DCLK1: variants seen among roughly 807,000 people sequenced by gnomAD.
The protein encoded by DCLK1 is serine/threonine-protein kinase DCLK1.
DCLK1 carries 16 observed loss-of-function variants against 86.2 expected under a neutral mutation model. That is an observed-to-expected ratio of 0.19 (90% CI 0.13 to 0.28). The LOEUF is 0.28. Ranked by LOEUF, DCLK1 falls within the 10% of genes least tolerant of loss-of-function variation. The probability of loss-of-function intolerance (pLI) is 1.00; values close to 1 mark genes in which losing one functional copy is unlikely to be tolerated. For missense variants in DCLK1, 590 were observed against 940.2 expected, an observed-to-expected ratio of 0.63 and a Z score of 4.87; for synonymous variants, 369 against 370.5, an observed-to-expected ratio of 1.00 and a Z score of 0.05.
chr13:36,062,170 T>C (rs953598200), intron 3 of DCLK1, among the ~76,000 whole-genome samples: 14 of 152,220 alleles, frequency 9.2e-5, no homozygotes, highest in Admixed American at 5.9e-4. Context: ...TTAATTTATA[T>C]AGTGGCTTTG....
intron 3 of DCLK1, among the ~76,000 whole-genome samples, chr13:35,990,891 G>A (rs934297689): frequency 3.9e-5 from 6 of 152,092 alleles, no homozygotes; most frequent in Non-Finnish European, 8.8e-5. Context: ...AGTAGGACTG[G>A]AGAATACAAA....
At chr13:35,841,013 T>C (rs1424773797) in intron 6 of DCLK1, among the ~76,000 whole-genome samples, 16 of 152,208 alleles carry the variant, frequency 1.1e-4, no homozygotes, top group Non-Finnish European at 7.3e-5. Context: ...GCAGACATAA[T>C]GGTGTTCCAA....
At chr13:35,891,051 T>G (rs1279309258) in intron 4 of DCLK1, among the ~76,000 whole-genome samples, 1 of 152,118 alleles carries the variant, frequency 6.6e-6, no homozygotes, top group Non-Finnish European at 1.5e-5. Context: ...GGCCAATCTG[T>G]TCTTTTATAT....
intron 13 of DCLK1, 126 bp from the exon 14 acceptor site, chr13:35,808,446 T>A: frequency 1.2e-6 from 1 of 850,612 alleles, no homozygotes; most frequent in Non-Finnish European, 1.9e-6. Flanking sequence ...GTATTTTTAA[T>A]CGATTGAAAA....
intron 3 of DCLK1, among the ~76,000 whole-genome samples, chr13:36,040,813 T>C (rs1882677813): frequency 6.6e-6 from 1 of 152,196 alleles, no homozygotes; most frequent in South Asian, 2.1e-4. Flanking sequence ...CTTTATACTT[T>C]GGGTTATAAT....
intron 3 of DCLK1, among the ~76,000 whole-genome samples, chr13:36,047,211 C>A (rs1882947141): frequency 6.6e-6 from 1 of 152,128 alleles, no homozygotes; most frequent in Non-Finnish European, 1.5e-5. Flanking sequence ...GAAAAGGGAA[C>A]CCCTTGTACA....
chr13:35,889,703 T>C (rs1873519532), intron 4 of DCLK1, among the ~76,000 whole-genome samples: 1 of 152,178 alleles, frequency 6.6e-6, no homozygotes, highest in South Asian at 2.1e-4. Context: ...TTTGGGTCTC[T>C]GAGTCACCGC....
chr13:35,843,601 T>A (rs556690934), intron 6 of DCLK1, among the ~76,000 whole-genome samples: 160 of 152,324 alleles, frequency 1.1e-3, no homozygotes, highest in Non-Finnish European at 1.6e-3. Context: ...GTCACTCAGC[T>A]GGGGTCCATG....
At chr13:35,948,118 A>G (rs760672173) in intron 3 of DCLK1, among the ~76,000 whole-genome samples, 5 of 152,202 alleles carry the variant, frequency 3.3e-5, no homozygotes, top group Admixed American at 1.3e-4. Flanking sequence ...TTTGATATTT[A>G]CTCGACTTAC....
intron 4 of DCLK1, among the ~76,000 whole-genome samples, chr13:35,924,351 T>C (rs1023188199): frequency 3.3e-5 from 5 of 152,288 alleles, no homozygotes; most frequent in East Asian, 1.9e-4. Context: ...TGGATGAGTC[T>C]TGAAATGGAA....
intron 3 of DCLK1, among the ~76,000 whole-genome samples, chr13:36,013,293 G>C (rs1336223957): frequency 1.3e-5 from 2 of 151,524 alleles, no homozygotes; most frequent in Non-Finnish European, 2.9e-5. Flanking sequence ...CTTTGGAGGA[G>C]GAGAGGCGCT....
At chr13:35,920,125 T>C (rs969972732) in intron 4 of DCLK1, among the ~76,000 whole-genome samples, 1 of 152,198 alleles carries the variant, frequency 6.6e-6, no homozygotes, top group African/African-American at 2.4e-5. Context: ...ACCAAATAAA[T>C]GATAAATTCC....
chr13:35,789,802 A>C (rs2086681067), intron 16 of DCLK1, among the ~76,000 whole-genome samples: 1 of 152,166 alleles, frequency 6.6e-6, no homozygotes, highest in Admixed American at 6.5e-5. Flanking sequence ...GCTCTCAAAA[A>C]GTTCACCGTT....
intron 8 of DCLK1, among the ~76,000 whole-genome samples, chr13:35,834,946 C>T (rs991184130): frequency 4.6e-5 from 7 of 152,152 alleles, no homozygotes; most frequent in Non-Finnish European, 1.0e-4. Context: ...TTCCAAAGAG[C>T]CGCAAGGGGT....
chr13:36,073,567 G>C (rs1884058087), intron 3 of DCLK1, among the ~76,000 whole-genome samples: 4 of 152,128 alleles, frequency 2.6e-5, no homozygotes, highest in African/African-American at 9.7e-5. Context: ...ACAATGCCAT[G>C]AATTTGCACA....
At chr13:36,116,552 C>A (rs1456338294) in intron 2 of DCLK1, among the ~76,000 whole-genome samples, 1 of 152,048 alleles carries the variant, frequency 6.6e-6, no homozygotes, top group African/African-American at 2.4e-5. Context: ...TTTTCATTGG[C>A]TAAGAGTAAA....
chr13:35,983,497 C>T (rs901619588), intron 3 of DCLK1, among the ~76,000 whole-genome samples: 1 of 152,144 alleles, frequency 6.6e-6, no homozygotes, highest in Non-Finnish European at 1.5e-5. Flanking sequence ...GGGCCTGAAT[C>T]CTTCCATCAG....
rs1555358861 is a variant in DCLK1 at position 36,045,368 on chromosome 13, A to ATC, written c.723+66500_723+66501insGA. 5.2e-4 allele frequency among the ~76,000 whole-genome samples: 49 copies of ATC among 94,922 alleles called. 1 individual carries two copies. The highest frequency in any genetic ancestry group is 1.8e-3 in the Admixed American group (15 of 8,354). 62.3% of individuals were successfully genotyped at this position (94,922 alleles called of 152,430 possible). A position where few individuals can be genotyped will look rare whatever the true frequency, so the allele number is the denominator to read the frequency against. ...TATATATATATATATATATATATAT[A>ATC]TATATATATTTCAAGGTAAATTGCT... On this transcript the variant is annotated intron_variant, in intron 3 of 16. Coordinates refer to ENST00000360631, the MANE Select transcript of DCLK1 (RefSeq NM_001330071.2).
At chr13:35,868,831 C>T (rs1242944910) in intron 5 of DCLK1, among the ~76,000 whole-genome samples, 3 of 152,140 alleles carry the variant, frequency 2.0e-5, no homozygotes, top group African/African-American at 7.2e-5. Flanking sequence ...GCTCTGTCAT[C>T]CAGGCTGGAG....
Sources: allele counts gnomAD v4.1 joint callset (sites outside exome capture counted in the v4.1 genomes callset), GRCh38; gene constraint gnomAD v4.1.1; transcripts MANE v1.5; gene names NCBI Gene and HGNC (gene_info 2026-07-23, HGNC 2026-07-21).